LDAH: variants seen among roughly 807,000 people sequenced by gnomAD.
The protein encoded by LDAH is lipid droplet-associated hydrolase.
In LDAH, 26 loss-of-function variants were observed where a neutral mutation model predicts 29.6. That is an observed-to-expected ratio of 0.88 (90% CI 0.64 to 1.22). LDAH has a LOEUF of 1.22. LDAH is among the 50% of genes most tolerant of loss of function. The probability of loss-of-function intolerance (pLI) is 0.00; values close to 1 mark genes in which losing one functional copy is unlikely to be tolerated. For missense variants in LDAH, 344 were observed against 387.3 expected, an observed-to-expected ratio of 0.89 and a Z score of 0.94; for synonymous variants, 117 against 133.0, an observed-to-expected ratio of 0.88 and a Z score of 0.83.
chr2:20,805,621 T>A (rs753522219), intron 1 of LDAH, among the ~76,000 whole-genome samples: 1 of 152,166 alleles, frequency 6.6e-6, no homozygotes, highest in Non-Finnish European at 1.5e-5. Context: ...TTGTGCTGGA[T>A]AAAAACCAAG....
intron 2 of LDAH, among the ~76,000 whole-genome samples, chr2:20,795,111 C>A (rs1671221434): frequency 6.6e-6 from 1 of 152,124 alleles, no homozygotes. Context: ...AATATTTAAT[C>A]AAAAGTTTAC....
chr2:20,759,535 A>G (rs1668541331), intron 4 of LDAH, among the ~76,000 whole-genome samples: 1 of 152,154 alleles, frequency 6.6e-6, no homozygotes, highest in Non-Finnish European at 1.5e-5. Flanking sequence ...TACAAGCTGG[A>G]AGTGAGCGTA....
chr2:20,821,546 C>A (rs1451525338), intron 1 of LDAH, among the ~76,000 whole-genome samples: 1 of 152,026 alleles, frequency 6.6e-6, no homozygotes, highest in Admixed American at 6.5e-5. Context: ...TGTTCTCACT[C>A]ATAGGTGGGA....
At chr2:20,761,639 C>T (rs1668696356) in intron 4 of LDAH, among the ~76,000 whole-genome samples, 1 of 152,124 alleles carries the variant, frequency 6.6e-6, no homozygotes, top group Admixed American at 6.5e-5. Context: ...AAGGACTGCA[C>T]TGAACTTGAC....
intron 5 of LDAH, among the ~76,000 whole-genome samples, chr2:20,736,843 G>A (rs1478883009): frequency 6.6e-6 from 1 of 152,042 alleles, no homozygotes; most frequent in Non-Finnish European, 1.5e-5. Context: ...GTTCAAGATG[G>A]TATTTAAGTC....
At chr2:20,822,438 C>CGG (rs1020222956) in intron 1 of LDAH, among the ~76,000 whole-genome samples, 2 of 152,138 alleles carry the variant, frequency 1.3e-5, no homozygotes, top group African/African-American at 4.8e-5. Flanking sequence ...CCACGGCGCC[C>CGG]GGCCAGGACT....
At chr2:20,762,503 T>C (rs1018925066) in intron 4 of LDAH, among the ~76,000 whole-genome samples, 5 of 152,178 alleles carry the variant, frequency 3.3e-5, no homozygotes, top group African/African-American at 1.2e-4. Flanking sequence ...AACACAACTT[T>C]TCTTTTAGAC....
chr2:20,794,710 T>C (rs1671199799), intron 2 of LDAH, among the ~76,000 whole-genome samples: 2 of 152,298 alleles, frequency 1.3e-5, no homozygotes, highest in South Asian at 4.1e-4. Flanking sequence ...CTTAACATTG[T>C]AGCATGTATA....
intron 2 of LDAH, among the ~76,000 whole-genome samples, chr2:20,798,063 G>A (rs1203708231): frequency 6.6e-6 from 1 of 152,180 alleles, no homozygotes; most frequent in African/African-American, 2.4e-5. Context: ...CTGAGTGTTG[G>A]AAAACAATGA....
At chr2:20,747,801 TG>T (rs1453995241) in intron 4 of LDAH, among the ~76,000 whole-genome samples, 1 of 152,196 alleles carries the variant, frequency 6.6e-6, no homozygotes, top group African/African-American at 2.4e-5. Context: ...ACTACACTTA[TG>T]CACTTTATAT....
intron 5 of LDAH, among the ~76,000 whole-genome samples, chr2:20,736,601 G>A (rs1300201698): frequency 6.6e-6 from 1 of 152,078 alleles, no homozygotes; most frequent in Non-Finnish European, 1.5e-5. Flanking sequence ...GAAGACACAG[G>A]AGAAGCTCTA....
At chr2:20,694,812 A>C (rs1054714236) in intron 6 of LDAH, among the ~76,000 whole-genome samples, 4 of 151,834 alleles carry the variant, frequency 2.6e-5, no homozygotes, top group African/African-American at 9.7e-5. Flanking sequence ...GCAGAGCAGC[A>C]CTCTCCTTTC....
intron 1 of LDAH, among the ~76,000 whole-genome samples, chr2:20,809,898 A>G (rs1294929462): frequency 6.6e-6 from 1 of 152,252 alleles, no homozygotes. Flanking sequence ...TTAGAAAACC[A>G]GAAATTCCAC....
rs762376499 is a variant in LDAH, at chr2:20,801,371, C to A, written c.93G>T (p.Trp31Cys). ...CACTTTGATCATGAAAGAGGTCTGTCCAGGGCCCACATTTTAGAACCTGGG... is the reference window on the plus strand; with the variant it reads ...CACTTTGATCATGAAAGAGGTCTGTACAGGGCCCACATTTTAGAACCTGGG... ...AETQVLKCGP[W>C]TDLFHDQSVK... The change falls in exon 2 of 7, where the codon TGG becomes TGT. Residue 31 changes from tryptophan to cysteine, a missense_variant. Physicochemically the swap from Trp to Cys is radical, Grantham distance 215. Transcript: ENST00000237822. 6.2e-7 allele frequency: 1 copy of A among 1,614,110 alleles called. No homozygotes were observed. Among genetic ancestry groups the A allele is most frequent in the East Asian group, 2.2e-5 (1 of 44,874 alleles).
At chr2:20,773,481 T>C (rs1018719406) in intron 4 of LDAH, among the ~76,000 whole-genome samples, 5 of 152,062 alleles carry the variant, frequency 3.3e-5, no homozygotes, top group African/African-American at 1.2e-4. Context: ...CAAAAGAGAT[T>C]AGAAGCTGTG....
chr2:20,735,307 T>A (rs191520766), intron 5 of LDAH, among the ~76,000 whole-genome samples: 2 of 152,168 alleles, frequency 1.3e-5, no homozygotes, highest in African/African-American at 4.8e-5. Context: ...TTCCTTTTTT[T>A]CCCCTTTTTA....
chr2:20,801,990 G>A (rs947776388), intron 1 of LDAH, among the ~76,000 whole-genome samples: 1 of 151,008 alleles, frequency 6.6e-6, no homozygotes, highest in Non-Finnish European at 1.5e-5. Flanking sequence ...GTATGAATAT[G>A]TGTGTATATA....
intron 1 of LDAH, among the ~76,000 whole-genome samples, chr2:20,821,927 G>A (rs1673343119): frequency 6.6e-6 from 1 of 152,142 alleles, no homozygotes; most frequent in African/African-American, 2.4e-5. Context: ...GCCTTAGCAG[G>A]TTTCTAAGTC....
intron 4 of LDAH, among the ~76,000 whole-genome samples, chr2:20,752,434 T>G (rs1668033225): frequency 6.6e-6 from 1 of 152,204 alleles, no homozygotes; most frequent in Non-Finnish European, 1.5e-5. Flanking sequence ...ACAAGACGGA[T>G]ACACAGGTCT....
Sources: allele counts gnomAD v4.1 joint callset (sites outside exome capture counted in the v4.1 genomes callset), GRCh38; gene constraint gnomAD v4.1.1; transcripts MANE v1.5; gene names NCBI Gene and HGNC (gene_info 2026-07-23, HGNC 2026-07-21).